KCNH7: variants seen among roughly 807,000 people sequenced by gnomAD.
The protein encoded by KCNH7 is voltage-gated inwardly rectifying potassium channel KCNH7.
Under a neutral mutation model 120.8 loss-of-function variants are expected in KCNH7, and 49 were observed. That is an observed-to-expected ratio of 0.41 (90% confidence interval 0.32 to 0.51). The LOEUF (loss-of-function observed/expected upper bound fraction) is 0.51, where lower values mean the gene tolerates loss of function less well. KCNH7 is among the 20% of genes least tolerant of loss of function. KCNH7 has a pLI of 0.38. For synonymous variants in KCNH7, 547 were observed against 516.1 expected (o/e 1.06, Z -0.81); for missense variants, 1,097 against 1,446.6 (o/e 0.76, Z 3.92).
chr2:162,453,009 G>A (rs1013221516), intron 6 of KCNH7, among the ~76,000 whole-genome samples: 6 of 151,866 alleles, frequency 4.0e-5, no homozygotes, highest in African/African-American at 1.5e-4. Context: ...TGTTACATAG[G>A]TATACATGTA....
At chr2:162,479,747 C>T (rs909304342) in intron 6 of KCNH7, among the ~76,000 whole-genome samples, 1 of 150,904 alleles carries the variant, frequency 6.6e-6, no homozygotes, top group African/African-American at 2.4e-5. Context: ...AATCAGATAT[C>T]AAAAGCTGAA....
At chr2:162,702,205 T>C (rs1449407975) in intron 2 of KCNH7, among the ~76,000 whole-genome samples, 10 of 152,122 alleles carry the variant, frequency 6.6e-5, no homozygotes, top group Non-Finnish European at 1.5e-4. Context: ...CAGTATAGTA[T>C]TATCATTGTT....
At chr2:162,837,559 T>C (rs1685705568) in intron 1 of KCNH7, among the ~76,000 whole-genome samples, 1 of 152,198 alleles carries the variant, frequency 6.6e-6, no homozygotes, top group Admixed American at 6.5e-5. Context: ...GTACGCAAGG[T>C]ACCAGATCCT....
At chr2:162,500,852 G>C (rs1690664175) in intron 6 of KCNH7, among the ~76,000 whole-genome samples, 1 of 152,014 alleles carries the variant, frequency 6.6e-6, no homozygotes, top group Non-Finnish European at 1.5e-5. Context: ...GACAAGTAAA[G>C]TCTTTTGGTT....
At chr2:162,662,544 T>C (rs776411508) in intron 2 of KCNH7, among the ~76,000 whole-genome samples, 1 of 152,216 alleles carries the variant, frequency 6.6e-6, no homozygotes, top group Non-Finnish European at 1.5e-5. Context: ...TCTTTGATTG[T>C]TGTGTTCATT....
chr2:162,771,535 A>G (rs939827201), intron 2 of KCNH7, among the ~76,000 whole-genome samples: 3 of 152,036 alleles, frequency 2.0e-5, no homozygotes, highest in Non-Finnish European at 2.9e-5. Flanking sequence ...TCTTATTTGT[A>G]TACATTTTTA....
At chr2:162,406,700 C>T (rs1687236165) in intron 9 of KCNH7, among the ~76,000 whole-genome samples, 1 of 151,930 alleles carries the variant, frequency 6.6e-6, no homozygotes, top group African/African-American at 2.4e-5. Context: ...ATTTTATAGC[C>T]TTTCCTGATT....
intron 6 of KCNH7, among the ~76,000 whole-genome samples, chr2:162,484,490 T>A (rs146251329): frequency 6.6e-6 from 1 of 152,210 alleles, no homozygotes; most frequent in East Asian, 1.9e-4. Flanking sequence ...ACAATAATAA[T>A]GTGGTGAAGA....
At chr2:162,719,748 A>G (rs1186475841) in intron 2 of KCNH7, among the ~76,000 whole-genome samples, 1 of 152,050 alleles carries the variant, frequency 6.6e-6, no homozygotes, top group African/African-American at 2.4e-5. Context: ...TTTTCAATCA[A>G]CATCCTCAGA....
At chr2:162,679,176 GA>G (rs1194867222) in intron 2 of KCNH7, among the ~76,000 whole-genome samples, 1 of 151,510 alleles carries the variant, frequency 6.6e-6, no homozygotes, top group African/African-American at 2.4e-5. Context: ...AAATAGAAGA[GA>G]CCCCACTAAA....
chr2:162,694,310 T>C (rs1302443858), intron 2 of KCNH7, among the ~76,000 whole-genome samples: 1 of 152,176 alleles, frequency 6.6e-6, no homozygotes, highest in Non-Finnish European at 1.5e-5. Flanking sequence ...ATATCTGTAA[T>C]AGATCATTAA....
At chr2:162,596,174 C>T in intron 2 of KCNH7, among the ~76,000 whole-genome samples, 1 of 152,014 alleles carries the variant, frequency 6.6e-6, no homozygotes, top group East Asian at 1.9e-4. Flanking sequence ...ATCAAAACTC[C>T]AATGACAGAC....
intron 2 of KCNH7, among the ~76,000 whole-genome samples, chr2:162,665,997 CTT>C (rs970455150): frequency 6.6e-6 from 1 of 152,080 alleles, no homozygotes; most frequent in African/African-American, 2.4e-5. Context: ...TAGAGAAAAA[CTT>C]TTTTTCATTT....
intron 9 of KCNH7, among the ~76,000 whole-genome samples, chr2:162,402,261 T>C (rs932043276): frequency 6.6e-6 from 1 of 150,684 alleles, no homozygotes; most frequent in Non-Finnish European, 1.5e-5. Context: ...GCTTTTCACA[T>C]GGAAGCAATT....
rs1440110032 is a variant in KCNH7, at chr2:162,648,050, CTA to C, written c.308-110972_308-110971del. Among the ~76,000 whole-genome samples the C allele has an allele frequency of 2.0e-5, 3 of 152,020 alleles. No individual in the cohort carries two copies. The East Asian group carries it at 5.8e-4, about 29-fold the overall frequency. On this transcript the variant is annotated intron_variant, in intron 2 of 15. Transcript: ENST00000332142. ...TTGGTAAATGCTACTAATGAATTAC[CTA>C]TTATAAACTTGCAGTATTTTTCCAT...
At chr2:162,566,505 A>G (rs1449781054) in intron 2 of KCNH7, among the ~76,000 whole-genome samples, 1 of 152,062 alleles carries the variant, frequency 6.6e-6, no homozygotes, top group East Asian at 1.9e-4. Flanking sequence ...TGTCTTGAAA[A>G]TATGATCATT....
intron 2 of KCNH7, among the ~76,000 whole-genome samples, chr2:162,746,410 TA>T (rs2105420790): frequency 6.6e-6 from 1 of 152,268 alleles, no homozygotes; most frequent in East Asian, 1.9e-4. Flanking sequence ...TTTTTATCTT[TA>T]AAATATTTAT....
In KCNH7 at chr2:162,390,446, T is replaced by C. The variant is rs1180485507; in HGVS notation, c.2710+3943A>G. Among the ~76,000 whole-genome samples the C allele has an allele frequency of 3.3e-5, 5 of 151,956 alleles. No individual in the cohort carries two copies. The East Asian group carries it at 7.8e-4, about 24-fold the overall frequency. On this transcript the variant is annotated intron_variant, in intron 12 of 15. Transcript: ENST00000332142. ...CTAATGGATCTGGCTCACACTGGAG[T>C]AGGCACAGTTCAACTTTTAAGACCA... is the stretch of plus-strand genomic sequence containing the variant.
chr2:162,773,948 T>G (rs2105477645), intron 2 of KCNH7, among the ~76,000 whole-genome samples: 1 of 152,316 alleles, frequency 6.6e-6, no homozygotes, highest in Non-Finnish European at 1.5e-5. Flanking sequence ...TTTTCAACAC[T>G]CATACTTAGT....
Sources: allele counts gnomAD v4.1 joint callset (sites outside exome capture counted in the v4.1 genomes callset), GRCh38; gene constraint gnomAD v4.1.1; transcripts MANE v1.5; gene names NCBI Gene and HGNC (gene_info 2026-07-23, HGNC 2026-07-21).